The following TAF12 variants were observed in gnomAD, a reference collection of about 807,000 sequenced individuals.
TAF12 encodes the protein transcription initiation factor TFIID subunit 12.
In TAF12, 3 loss-of-function variants were observed where a neutral mutation model predicts 20.8. The ratio of observed to expected loss-of-function variants is 0.14; its 90% CI spans 0.07 to 0.37. TAF12 has a LOEUF of 0.37. Ranked by LOEUF, TAF12 falls within the 10% of genes least tolerant of loss-of-function variation. The probability of loss-of-function intolerance (pLI) is 1.00; values close to 1 mark genes in which losing one functional copy is unlikely to be tolerated. For synonymous variants in TAF12, 69 were observed against 70.2 expected (o/e 0.98, Z 0.09); for missense variants, 131 against 197.9 (o/e 0.66, Z 2.03).
At chr1:28,639,714 G>A (rs563055444) in intron 1 of TAF12, among the ~76,000 whole-genome samples, 61 of 152,188 alleles carry the variant, frequency 4.0e-4, no homozygotes, top group African/African-American at 1.2e-3. Flanking sequence ...TATAATAGGC[G>A]CTTGCAAATA....
chr1:28,617,079 C>T (rs1260521437), intron 3 of TAF12, among the ~76,000 whole-genome samples: 1 of 151,908 alleles, frequency 6.6e-6, no homozygotes, highest in Admixed American at 6.6e-5. Flanking sequence ...AAGATCGCGC[C>T]ATTGCACTCC....
At chr1:28,604,899 C>G (rs1666614160) in intron 5 of TAF12, among the ~76,000 whole-genome samples, 1 of 152,150 alleles carries the variant, frequency 6.6e-6, no homozygotes, top group African/African-American at 2.4e-5. Flanking sequence ...TCAGAGGGAA[C>G]CTTGTTCAAA....
At chr1:28,622,189 T>C (rs975540570) in intron 1 of TAF12, 24 bp from the exon 2 acceptor site, 2 of 1,480,816 alleles carry the variant, frequency 1.4e-6, no homozygotes, top group Non-Finnish European at 1.8e-6. Context: ...GCACAAGAAT[T>C]AGCTCTAGAA....
intron 4 of TAF12, among the ~76,000 whole-genome samples, chr1:28,612,507 A>AAAATTATATATAAATATATAT (rs551115414): frequency 4.9e-4 from 72 of 146,070 alleles, no homozygotes; most frequent in African/African-American, 1.6e-3. Context: ...AATATATATA[A>AAAATTATATATAAATATATAT]AAATTATATA....
upstream of TAF12, chr1:28,645,984 G>A (rs1399156248): frequency 6.7e-6 from 1 of 150,372 alleles, no homozygotes; most frequent in Non-Finnish European, 1.5e-5. Context: ...AAAAAAAAGA[G>A]AGATAAGGTC....
upstream of TAF12, chr1:28,648,066 T>C: frequency 1.6e-6 from 1 of 610,166 alleles, no homozygotes; most frequent in Non-Finnish European, 2.1e-6. Context: ...GACAATCAGC[T>C]TATGCGTGAC....
At chr1:28,645,356 T>G (rs1002783857), upstream of TAF12, among the ~76,000 whole-genome samples, 3 of 150,010 alleles carry the variant, frequency 2.0e-5, no homozygotes, top group African/African-American at 7.3e-5. Flanking sequence ...TTTTTTTTCT[T>G]TAAGAGATAA....
intron 1 of TAF12, among the ~76,000 whole-genome samples, chr1:28,639,361 A>T (rs1667957444): frequency 6.8e-6 from 1 of 147,860 alleles, no homozygotes; most frequent in Admixed American, 6.9e-5. Flanking sequence ...AGTTGGAGTG[A>T]GCCAAGATTG....
At chr1:28,608,951 TAAAG>T (rs1271455713) in intron 4 of TAF12, among the ~76,000 whole-genome samples, 3 of 151,856 alleles carry the variant, frequency 2.0e-5, no homozygotes, top group East Asian at 1.9e-4. Flanking sequence ...CAAAAATAAA[TAAAG>T]AAAGAAATAA....
chr1:28,629,830 G>T (rs1667559788), intron 1 of TAF12, among the ~76,000 whole-genome samples: 1 of 152,122 alleles, frequency 6.6e-6, no homozygotes, highest in African/African-American at 2.4e-5. Context: ...TTAAAACACG[G>T]TGTCTTGCTA....
rs556623279 is a variant in TAF12, at chr1:28,606,611, A to T, written c.362-1151T>A. Reference sequence around the variant, plus strand: ...ATTCAAGCTTCTTGCAAAGAAAAAGAGGTAATTTAGTCAAAGCTGTGAATG... The same window carrying T: ...ATTCAAGCTTCTTGCAAAGAAAAAGTGGTAATTTAGTCAAAGCTGTGAATG... On this transcript the variant is annotated intron_variant, in intron 4 of 5. Coordinates refer to ENST00000373824, the MANE Select transcript of TAF12 (RefSeq NM_005644.4). 2.0e-5 allele frequency among the ~76,000 whole-genome samples: 3 copies of T among 152,312 alleles called. No homozygotes were observed. In the East Asian group the frequency reaches 5.8e-4, roughly 29 times the overall value.
chr1:28,620,442 A>AC (rs1439275526), intron 2 of TAF12, among the ~76,000 whole-genome samples: 50 of 128,312 alleles, frequency 3.9e-4, no homozygotes, highest in Non-Finnish European at 3.6e-4. Context: ...CAAGAAAATA[A>AC]TTTTTTTTTT....
At chr1:28,627,665 C>A (rs79581244) in intron 1 of TAF12, among the ~76,000 whole-genome samples, 72 of 103,466 alleles carry the variant, frequency 7.0e-4, no homozygotes, top group South Asian at 1.4e-3. Context: ...TGCACTCCCT[C>A]AAAAAAAAAA....
intron 4 of TAF12, among the ~76,000 whole-genome samples, chr1:28,610,297 C>CTTAT (rs1002582054): frequency 4.6e-5 from 7 of 151,844 alleles, no homozygotes; most frequent in African/African-American, 1.7e-4. Flanking sequence ...TATGTATTTA[C>CTTAT]TTATTTATTT....
chr1:28,628,528 C>T (rs1232850597), intron 1 of TAF12, among the ~76,000 whole-genome samples: 2 of 151,752 alleles, frequency 1.3e-5, no homozygotes, highest in Non-Finnish European at 2.9e-5. Flanking sequence ...AATGGGTATA[C>T]GGTTTCTTTT....
At position 28,622,181 on chromosome 1, in the gene TAF12, A is replaced by AC; in HGVS notation, c.-84-17dup. 1 of 1,495,998 alleles carries AC rather than the reference A, an allele frequency of 6.7e-7. No individual in the cohort carries two copies. Among genetic ancestry groups the AC allele is most frequent in the South Asian group, 1.4e-5 (1 of 71,018 alleles). The allele number at this position is 1,495,998 out of a possible 1,614,324, so 92.7% of individuals were successfully genotyped here. On this transcript the variant is annotated splice_polypyrimidine_tract_variant and intron_variant, in intron 1 of 5. Transcript: ENST00000373824. ...GGCCAATTAACTGGAGAAGAAAAGC[A>AC]CAAGAATTAGCTCTAGAAGAACCTG...
chr1:28,621,533 A>G (rs1315791947), intron 2 of TAF12, among the ~76,000 whole-genome samples: 1 of 152,208 alleles, frequency 6.6e-6, no homozygotes, highest in African/African-American at 2.4e-5. Flanking sequence ...TGAAAGGAAA[A>G]AAACACCTTT....
chr1:28,622,224 T>G (rs922802116), intron 1 of TAF12, 59 bp from the exon 2 acceptor site: 3 of 1,401,330 alleles, frequency 2.1e-6, no homozygotes, highest in Non-Finnish European at 2.8e-6. Flanking sequence ...GGATGAATCT[T>G]GAGAGTAAAA....
intron 1 of TAF12, among the ~76,000 whole-genome samples, chr1:28,628,792 G>A (rs750627588): frequency 2.6e-5 from 4 of 152,228 alleles, no homozygotes; most frequent in Non-Finnish European, 5.9e-5. Flanking sequence ...CACATGTATT[G>A]CCGGATGCGG....
Sources: gnomAD v4.1 joint callset for allele counts (sites outside exome capture counted in the v4.1 genomes callset) on GRCh38, gnomAD v4.1.1 for gene constraint, MANE v1.5 for transcripts, NCBI Gene and HGNC (gene_info 2026-07-23, HGNC 2026-07-21) for gene names.